The following GALNTL6 variants were observed in gnomAD, a reference collection of about 807,000 sequenced individuals.
The protein encoded by GALNTL6 is polypeptide N-acetylgalactosaminyltransferase-like 6.
GALNTL6 carries 46 observed loss-of-function variants against 73.7 expected under a neutral mutation model. The ratio of observed to expected loss-of-function variants is 0.62; its 90% CI spans 0.49 to 0.80. The LOEUF (loss-of-function observed/expected upper bound fraction) is 0.80. Ranked by LOEUF, GALNTL6 falls within the 30% of genes least tolerant of loss-of-function variation. GALNTL6 has a pLI of 0.00. For synonymous variants in GALNTL6, 259 were observed against 263.7 expected (o/e 0.98, Z 0.17); for missense variants, 604 against 755.0 (o/e 0.80, Z 2.34).
chr4:172,295,228 C>T (rs556414642), intron 3 of GALNTL6, among the ~76,000 whole-genome samples: 6 of 152,058 alleles, frequency 3.9e-5, no homozygotes, highest in African/African-American at 1.4e-4. Context: ...TCAAGACCAG[C>T]CTGGCCAATA....
chr4:172,867,962 T>A (rs553587955), intron 7 of GALNTL6, among the ~76,000 whole-genome samples: 1 of 151,808 alleles, frequency 6.6e-6, no homozygotes, highest in Non-Finnish European at 1.5e-5. Context: ...AAGAGGAGAG[T>A]CCTCTCTTGC....
intron 5 of GALNTL6, among the ~76,000 whole-genome samples, chr4:172,695,568 C>T (rs1467356195): frequency 6.6e-6 from 1 of 152,180 alleles, no homozygotes; most frequent in Non-Finnish European, 1.5e-5. Flanking sequence ...ATTTTTATCT[C>T]CCTGAGATTT....
At position 172,882,977 on chromosome 4, in the gene GALNTL6, T is replaced by C. The variant is rs561907065; in HGVS notation, c.1041+70T>C. On this transcript the variant is annotated intron_variant, in intron 8 of 12. Transcript: ENST00000506823. Reference sequence around the variant, plus strand: ...CAATTCTGATAGAATATCAGCATGTTGCTCTGTGACCTGTGTTCTGGGATG... The same window carrying C: ...CAATTCTGATAGAATATCAGCATGTCGCTCTGTGACCTGTGTTCTGGGATG... The C allele has an allele frequency of 3.7e-5, 31 of 827,544 alleles. No individual in the cohort carries two copies. In the South Asian group the frequency reaches 4.7e-4, roughly 12 times the overall value. The allele number at this position is 827,544 out of a possible 1,614,324, so 51.3% of individuals were successfully genotyped here. A position where few individuals can be genotyped will look rare whatever the true frequency, so the allele number is the denominator to read the frequency against.
At chr4:171,829,481 A>G (rs565895502) in intron 2 of GALNTL6, among the ~76,000 whole-genome samples, 5 of 152,108 alleles carry the variant, frequency 3.3e-5, no homozygotes, top group East Asian at 3.9e-4. Context: ...ATTGATCACT[A>G]TTTCACTGCC....
intron 4 of GALNTL6, among the ~76,000 whole-genome samples, chr4:172,329,346 C>G (rs1208655376): frequency 6.6e-6 from 1 of 152,100 alleles, no homozygotes; most frequent in African/African-American, 2.4e-5. Flanking sequence ...TGAGAAGATA[C>G]AGGATCAGGG....
In GALNTL6 at chr4:173,004,480, G is replaced by A. The variant is rs546558111; in HGVS notation, c.1372-4698G>A. 1.8e-4 allele frequency among the ~76,000 whole-genome samples: 28 copies of A among 152,220 alleles called. No homozygotes were observed. The East Asian group carries it at 4.1e-3, about 22-fold the overall frequency. On this transcript the variant is annotated intron_variant, in intron 10 of 12. Coordinates refer to ENST00000506823, the MANE Select transcript of GALNTL6 (RefSeq NM_001034845.3). ...CATCTCTACTAAAAATACAAAATTA[G>A]CTGGGAGTAGTGGTGCATGATTGTA...
intron 2 of GALNTL6, among the ~76,000 whole-genome samples, chr4:172,005,665 A>G (rs147415908): frequency 3.3e-4 from 51 of 152,266 alleles, no homozygotes; most frequent in South Asian, 1.2e-3. Flanking sequence ...TTAAAATTCT[A>G]AAATAAGGAA....
intron 2 of GALNTL6, among the ~76,000 whole-genome samples, chr4:172,115,374 G>A (rs1732958973): frequency 6.6e-6 from 1 of 152,118 alleles, no homozygotes; most frequent in South Asian, 2.1e-4. Flanking sequence ...TTGAGAAATT[G>A]TTTTAAGTTG....
At chr4:171,843,519 C>A (rs1449121226) in intron 2 of GALNTL6, among the ~76,000 whole-genome samples, 1 of 151,958 alleles carries the variant, frequency 6.6e-6, no homozygotes. Context: ...TTAGATTCTA[C>A]CTATTTTTCT....
chr4:172,662,479 A>G (rs1441227006), intron 5 of GALNTL6, among the ~76,000 whole-genome samples: 1 of 152,188 alleles, frequency 6.6e-6, no homozygotes, highest in Non-Finnish European at 1.5e-5. Flanking sequence ...CTGCCACGAT[A>G]ATCGGCAGTG....
rs535364784 is a variant in GALNTL6, at chr4:171,896,626, A to T, written c.138+81908A>T. Among the ~76,000 whole-genome samples the T allele has an allele frequency of 9.8e-5, 15 of 152,316 alleles. 1 individual carries two copies. Among genetic ancestry groups the T allele is most frequent in the African/African-American group, 3.6e-4 (15 of 41,580 alleles). ...ACTGTGCCTTCCTGTGGTGGAAAGG[A>T]TAAGAGGTCTTTCTGTTGGCCTCTT... On this transcript the variant is annotated intron_variant, in intron 2 of 12. Coordinates refer to ENST00000506823, the MANE Select transcript of GALNTL6 (RefSeq NM_001034845.3).
At chr4:172,090,554 T>G (rs1457409384) in intron 2 of GALNTL6, among the ~76,000 whole-genome samples, 5 of 152,220 alleles carry the variant, frequency 3.3e-5, no homozygotes, top group African/African-American at 1.2e-4. Flanking sequence ...GGTTGTTTTT[T>G]TCTTGTAAAT....
At chr4:172,986,433 A>C (rs1751292001) in intron 10 of GALNTL6, among the ~76,000 whole-genome samples, 1 of 152,204 alleles carries the variant, frequency 6.6e-6, no homozygotes, top group African/African-American at 2.4e-5. Flanking sequence ...TTCTTTGTAG[A>C]ATTGATTTGA....
intron 2 of GALNTL6, among the ~76,000 whole-genome samples, chr4:172,152,708 G>C (rs1162686429): frequency 1.3e-5 from 2 of 152,068 alleles, no homozygotes; most frequent in East Asian, 3.9e-4. Flanking sequence ...TCTTGGGCTG[G>C]AGTGCTCCTC....
At chr4:172,810,802 C>T (rs1741251891) in intron 6 of GALNTL6, among the ~76,000 whole-genome samples, 1 of 152,130 alleles carries the variant, frequency 6.6e-6, no homozygotes, top group Non-Finnish European at 1.5e-5. Flanking sequence ...AAGGACACAG[C>T]AATTTAGAGC....
Position 172,841,014 on chromosome 4 carries a change from A to G in GALNTL6, c.923+27291A>G, listed in dbSNP as rs187103282. 4.6e-5 allele frequency among the ~76,000 whole-genome samples: 7 copies of G among 152,226 alleles called. No individual in the cohort carries two copies. In the East Asian group the frequency reaches 1.4e-3, roughly 29 times the overall value. Reference sequence around the variant, plus strand: ...TGAATCTCAATTCTCTGCCTGCTCAATCCTGCCTCCTCCACCATTCTCCTT... The same window carrying G: ...TGAATCTCAATTCTCTGCCTGCTCAGTCCTGCCTCCTCCACCATTCTCCTT... On this transcript the variant is annotated intron_variant, in intron 7 of 12. Coordinates refer to ENST00000506823, the MANE Select transcript of GALNTL6 (RefSeq NM_001034845.3).
intron 2 of GALNTL6, among the ~76,000 whole-genome samples, chr4:172,189,819 T>C (rs1322072505): frequency 6.6e-6 from 1 of 152,060 alleles, no homozygotes; most frequent in Non-Finnish European, 1.5e-5. Context: ...ACAATGATAA[T>C]AATAATGATG....
intron 2 of GALNTL6, among the ~76,000 whole-genome samples, chr4:172,168,278 T>TGTTTG (rs970724693): frequency 6.7e-6 from 1 of 149,732 alleles, no homozygotes; most frequent in Non-Finnish European, 1.5e-5. Context: ...TTGTTTGTTT[T>TGTTTG]GTTTTGTTTT....
At chr4:172,528,394 G>A (rs1735044151) in intron 5 of GALNTL6, among the ~76,000 whole-genome samples, 1 of 141,400 alleles carries the variant, frequency 7.1e-6, no homozygotes, top group South Asian at 2.2e-4. Flanking sequence ...GCCTTGCTCT[G>A]TCACCCAGGC....
Sources: allele counts gnomAD v4.1 joint callset (sites outside exome capture counted in the v4.1 genomes callset), GRCh38; gene constraint gnomAD v4.1.1; transcripts MANE v1.5; gene names NCBI Gene and HGNC (gene_info 2026-07-23, HGNC 2026-07-21).